The following SLC1A6 variants were observed in gnomAD, a reference collection of about 807,000 sequenced individuals.
SLC1A6 encodes the protein excitatory amino acid transporter 4.
SLC1A6 carries 15 observed loss-of-function variants against 42.1 expected under a neutral mutation model. That is an observed-to-expected ratio of 0.36 (90% confidence interval 0.24 to 0.55). The LOEUF is 0.55. SLC1A6 is among the 20% of genes least tolerant of loss of function. SLC1A6 has a pLI of 0.88. For synonymous variants in SLC1A6, 317 were observed against 319.7 expected, an observed-to-expected ratio of 0.99 and a Z score of 0.09; for missense variants, 542 against 772.5, an observed-to-expected ratio of 0.70 and a Z score of 3.54.
intron 1 of SLC1A6, among the ~76,000 whole-genome samples, chr19:14,989,549 C>T (rs1278417036): frequency 6.7e-6 from 1 of 148,422 alleles, no homozygotes; most frequent in Admixed American, 6.7e-5. Flanking sequence ...CGTGAGCCAC[C>T]GTGCCCGGCC....
At position 14,971,872 on chromosome 19, in the gene SLC1A6, C is replaced by A; in HGVS notation, c.208G>T (p.Val70Phe). Residue 70 changes from valine to phenylalanine, a missense_variant and splice_region_variant, in exon 3 of 10, where the codon GTC (valine) becomes TTC (phenylalanine). By Grantham distance (50) the Val-to-Phe change is conservative (BLOSUM62 -1). Transcript: ENST00000594383. ...GGGCGCAGGGCAAAGGCCAGGCTGA[C>A]CCCTAGGGCCAAAAGAAGGGGTCCA... is the stretch of plus-strand genomic sequence containing the variant. Reference protein sequence around the residue: ...LLTVSAVVIGVSLAFALRPYQ... With the variant: ...LLTVSAVVIGFSLAFALRPYQ... 6.2e-7 allele frequency: 1 copy of A among 1,613,998 alleles called. No individual in the cohort carries two copies. Among genetic ancestry groups the A allele is most frequent in the Non-Finnish European group, 8.5e-7 (1 of 1,179,946 alleles).
Position 15,003,793 on chromosome 19 carries a change from A to G in SLC1A6, c.6+6692T>C, listed in dbSNP as rs144195671. On this transcript the variant is annotated intron_variant, in intron 1 of 8. Transcript: ENST00000430939. ...TTCTGCTCCCTACATTGCATGAATC[A>G]GTATATAGAACAGGTGGCCCCAGCA... 2.0e-5 allele frequency among the ~76,000 whole-genome samples: 3 copies of G among 152,322 alleles called. No individual in the cohort carries two copies. In the East Asian group the frequency reaches 5.8e-4, roughly 29 times the overall value.
At chr19:14,976,951 C>A (rs1378569239) in intron 1 of SLC1A6, 2 of 151,604 alleles carry the variant, frequency 1.3e-5, no homozygotes, top group Non-Finnish European at 2.9e-5. Context: ...TAGAGCTAAT[C>A]CAAATTCCCA....
intron 1 of SLC1A6, among the ~76,000 whole-genome samples, chr19:14,985,200 T>C (rs1205160621): frequency 6.6e-6 from 1 of 152,198 alleles, no homozygotes; most frequent in African/African-American, 2.4e-5. Flanking sequence ...ATAATGACTG[T>C]GAATCATTTT....
intron 1 of SLC1A6, among the ~76,000 whole-genome samples, chr19:14,996,157 A>G (rs940282847): frequency 6.6e-6 from 1 of 152,254 alleles, no homozygotes; most frequent in African/African-American, 2.4e-5. Flanking sequence ...TACCTGCTAC[A>G]TGAATAAACC....
At chr19:14,975,631 A>G (rs1241482852) in intron 1 of SLC1A6, among the ~76,000 whole-genome samples, 1 of 151,878 alleles carries the variant, frequency 6.6e-6, no homozygotes, top group East Asian at 1.9e-4. Flanking sequence ...ACACGCCTGT[A>G]ATCCCAGCTA....
intron 1 of SLC1A6, among the ~76,000 whole-genome samples, chr19:15,003,249 A>G (rs1341401654): frequency 1.3e-5 from 2 of 152,134 alleles, no homozygotes; most frequent in South Asian, 4.1e-4. Flanking sequence ...AAGTGCTGGG[A>G]TTACAGGCAT....
chr19:14,994,442 G>A (rs8104960), intron 1 of SLC1A6, among the ~76,000 whole-genome samples: 60,751 of 151,750 alleles, frequency 0.4, 12,353 homozygotes, highest in South Asian at 0.46. Context: ...ACTGCTCCAC[G>A]TAACTGCATG....
intron 1 of SLC1A6, among the ~76,000 whole-genome samples, chr19:14,986,349 C>A (rs1264727236): frequency 2.0e-5 from 3 of 151,614 alleles, no homozygotes; most frequent in African/African-American, 7.3e-5. Flanking sequence ...GAAACCCCGT[C>A]TCTACTAAAA....
chr19:14,968,851 A>ATT (rs71168531), intron 3 of SLC1A6, among the ~76,000 whole-genome samples: 27,969 of 149,502 alleles, frequency 0.19, 2,936 homozygotes, highest in South Asian at 0.28. Context: ...TAACCTAACT[A>ATT]TTTTTTTTTT....
intron 1 of SLC1A6, 138 bp from the exon 2 acceptor site, chr19:14,973,055 AC>A: frequency 3.1e-6 from 2 of 655,212 alleles, no homozygotes; most frequent in Non-Finnish European, 5.2e-6. Context: ...GTTTTGGCTC[AC>A]GCCTGTAATC....
chr19:14,967,240 T>G (rs376028955), intron 4 of SLC1A6, among the ~76,000 whole-genome samples: 10 of 152,208 alleles, frequency 6.6e-5, no homozygotes. Flanking sequence ...GTGGATACTA[T>G]GGGTGCTGCT....
intron 1 of SLC1A6, among the ~76,000 whole-genome samples, chr19:14,998,514 C>T (rs1235646113): frequency 6.6e-6 from 1 of 152,102 alleles, no homozygotes; most frequent in Non-Finnish European, 1.5e-5. Flanking sequence ...GTACTCCAGC[C>T]TGGGCAACAG....
intron 5 of SLC1A6, among the ~76,000 whole-genome samples, chr19:14,963,669 A>G (rs889040243): frequency 2.0e-5 from 3 of 152,204 alleles, no homozygotes; most frequent in African/African-American, 7.2e-5. Context: ...AATGTGTGGA[A>G]GTAGTATAGA....
chr19:14,950,757 A>G (rs1253769529), intron 9 of SLC1A6, among the ~76,000 whole-genome samples: 2 of 152,050 alleles, frequency 1.3e-5, no homozygotes, highest in African/African-American at 4.8e-5. Context: ...CCTGGGCAAC[A>G]TAGCAAGACC....
intron 9 of SLC1A6, among the ~76,000 whole-genome samples, chr19:14,952,091 C>T (rs1046337570): frequency 1.3e-5 from 2 of 151,966 alleles, no homozygotes; most frequent in African/African-American, 4.8e-5. Context: ...GAATTACAGG[C>T]ACATGTCACT....
chr19:14,982,195 T>A (rs2045771660), upstream of SLC1A6, among the ~76,000 whole-genome samples: 1 of 151,570 alleles, frequency 6.6e-6, no homozygotes, highest in African/African-American at 2.4e-5. Flanking sequence ...AAGGAAAAAA[T>A]TAGGAAATCT....
intron 5 of SLC1A6, 133 bp downstream of exon 5, chr19:14,964,186 G>GAGA (rs1908406942): frequency 1.4e-6 from 1 of 737,294 alleles, no homozygotes; most frequent in East Asian, 2.5e-5. Flanking sequence ...CTTTCTCCTA[G>GAGA]ACTCCTCAAG....
intron 2 of SLC1A6, 47 bp downstream of exon 2, chr19:14,972,659 T>C: frequency 6.5e-7 from 1 of 1,533,478 alleles, no homozygotes. Flanking sequence ...TTCCCTGAAG[T>C]CCCCGCCTTT....
Sources: allele counts gnomAD v4.1 joint callset (sites outside exome capture counted in the v4.1 genomes callset), GRCh38; gene constraint gnomAD v4.1.1; transcripts MANE v1.5; gene names NCBI Gene and HGNC (gene_info 2026-07-23, HGNC 2026-07-21).